METTL13: variants seen among roughly 807,000 people sequenced by gnomAD.
The protein encoded by METTL13 is eEF1A lysine and N-terminal methyltransferase.
Under a neutral mutation model 67.4 loss-of-function variants are expected in METTL13, and 52 were observed. The ratio of observed to expected loss-of-function variants is 0.77; its 90% CI spans 0.62 to 0.97. The LOEUF (loss-of-function observed/expected upper bound fraction) is 0.97, where lower values mean the gene tolerates loss of function less well. Among genes scored for constraint, METTL13 ranks in the 50% least tolerant of loss-of-function variants. METTL13 has a pLI of 0.00. For missense variants in METTL13, 825 were observed against 889.6 expected (o/e 0.93, Z 0.92); for synonymous variants, 354 against 353.6 (o/e 1.00, Z -0.01).
intron 7 of METTL13, among the ~76,000 whole-genome samples, chr1:171,795,876 A>C (rs1291943281): frequency 6.6e-6 from 1 of 152,154 alleles, no homozygotes; most frequent in African/African-American, 2.4e-5. Flanking sequence ...TGATTGATTG[A>C]GACAAAGTCT....
chr1:171,784,530 GAGGGGCTGGCTTAC>G, intron 2 of METTL13, 31 bp downstream of exon 2: 4 of 1,479,698 alleles, frequency 2.7e-6, no homozygotes, highest in Non-Finnish European at 2.7e-6. Context: ...CTCTTCCCTG[GAGGGGCTGGCTTAC>G]AGGGGCTGGG....
intron 4 of METTL13, among the ~76,000 whole-genome samples, chr1:171,788,927 A>G (rs1237628683): frequency 1.3e-5 from 2 of 152,216 alleles, no homozygotes; most frequent in Non-Finnish European, 2.9e-5. Flanking sequence ...CCTAGAATCA[A>G]GTTACCCAGC....
Position 171,794,988 on chromosome 1 carries a change from T to C in METTL13, c.1825+461T>C, listed in dbSNP as rs571596886. ...GTGGATGCCACCATGCCTGGCTAATTTTTTTATTTTTATTTTTTGTAGAGA... is the reference window on the plus strand; with the variant it reads ...GTGGATGCCACCATGCCTGGCTAATCTTTTTATTTTTATTTTTTGTAGAGA... On this transcript the variant is annotated intron_variant, in intron 7 of 7. Transcript: ENST00000361735. Among the ~76,000 whole-genome samples the C allele has an allele frequency of 9.9e-5, 15 of 152,200 alleles. No homozygotes were observed. In the East Asian group the frequency reaches 1.7e-3, roughly 18 times the overall value.
intron 7 of METTL13, among the ~76,000 whole-genome samples, chr1:171,795,963 C>A (rs965791419): frequency 3.3e-5 from 5 of 152,134 alleles, no homozygotes; most frequent in African/African-American, 9.7e-5. Context: ...CTGCCTCAGC[C>A]CCACTAGCAG....
At position 171,797,632 on chromosome 1, in the gene METTL13, A is replaced by G. The variant is rs1372574167; in HGVS notation, c.*876A>G. ...CTGAGATAAAGGATACTTAAGCCCA[A>G]ACTATATCTAAACCCAAATCTCACT... On this transcript the variant is annotated 3_prime_UTR_variant, in exon 8 of 8. Transcript: ENST00000361735. 1.3e-5 allele frequency: 2 copies of G among 152,256 alleles called. No individual in the cohort carries two copies. Among genetic ancestry groups the G allele is most frequent in the Non-Finnish European group, 2.9e-5 (2 of 68,048 alleles). 9.4% of individuals were successfully genotyped at this position (152,256 alleles called of 1,614,324 possible). A position where few individuals can be genotyped will look rare whatever the true frequency, so the allele number is the denominator to read the frequency against.
chr1:171,788,240 G>A (rs1375272408), intron 4 of METTL13, among the ~76,000 whole-genome samples: 1 of 152,206 alleles, frequency 6.6e-6, no homozygotes, highest in Non-Finnish European at 1.5e-5. Context: ...CCTCTGTGAG[G>A]TGAGCCAGAA....
intron 1 of METTL13, among the ~76,000 whole-genome samples, chr1:171,782,386 C>T (rs1403673779): frequency 6.6e-6 from 1 of 151,578 alleles, no homozygotes; most frequent in Non-Finnish European, 1.5e-5. Context: ...GCCTGGGGAA[C>T]ATGAGACCTC....
In METTL13 at chr1:171,781,827, G is replaced by A; in HGVS notation, c.-141G>A. 1 of 1,485,322 alleles carries A rather than the reference G, an allele frequency of 6.7e-7. No homozygotes were observed. The highest frequency in any genetic ancestry group is 8.9e-7 in the Non-Finnish European group (1 of 1,119,016). 92.0% of individuals were successfully genotyped at this position (1,485,322 alleles called of 1,614,324 possible). ...GTCATTCCTGGGGTTTGGAGTGGGG[G>A]AACAAATCAATGTGGCTGTTTTTCC... On this transcript the variant is annotated 5_prime_UTR_variant, in exon 1 of 8. Transcript: ENST00000361735.
intron 4 of METTL13, among the ~76,000 whole-genome samples, chr1:171,788,320 C>T (rs1432859127): frequency 2.0e-5 from 3 of 152,216 alleles, no homozygotes; most frequent in South Asian, 2.1e-4. Context: ...TTTGGATTGG[C>T]GGGTGACTTA....
intron 1 of METTL13, among the ~76,000 whole-genome samples, chr1:171,782,890 G>T (rs1656873975): frequency 2.0e-5 from 3 of 152,204 alleles, no homozygotes; most frequent in Non-Finnish European, 2.9e-5. Context: ...TGTACTGGAG[G>T]TAGGGAAGGA....
chr1:171,788,005 G>A, intron 4 of METTL13, 75 bp downstream of exon 4: 1 of 1,458,970 alleles, frequency 6.9e-7, no homozygotes, highest in South Asian at 1.2e-5. Context: ...GCTTGGCCGA[G>A]ATGTAGGATG....
At chr1:171,788,050 C>T (rs537742691) in intron 4 of METTL13, 120 bp downstream of exon 4, 1 of 926,552 alleles carries the variant, frequency 1.1e-6, no homozygotes, top group Non-Finnish European at 1.7e-6. Context: ...ACCATCTGGA[C>T]TCTTAGGGTG....
At chr1:171,792,420 G>A (rs1262287784) in intron 6 of METTL13, among the ~76,000 whole-genome samples, 185 bp downstream of exon 6, 1 of 152,230 alleles carries the variant, frequency 6.6e-6, no homozygotes, top group African/African-American at 2.4e-5. Flanking sequence ...ACTGTGTTAG[G>A]TGTGAATGTA....
In METTL13 at chr1:171,792,098, G is replaced by A; in HGVS notation, c.1556G>A (p.Cys519Tyr). The change falls in exon 6 of 8, where the codon TGC becomes TAC. Residue 519 changes from cysteine to tyrosine, a missense_variant. Transcript: ENST00000361735. ...GTCCACGATCATTTTCCAAAGTCCTGCATTGATGCTGTGGAGATCGATCCC... is the reference window on the plus strand; with the variant it reads ...GTCCACGATCATTTTCCAAAGTCCTACATTGATGCTGTGGAGATCGATCCC... ...LFVHDHFPKS[C>Y]IDAVEIDPSM... The A allele has an allele frequency of 6.2e-7, 1 of 1,614,034 alleles. No individual in the cohort carries two copies. Among genetic ancestry groups the A allele is most frequent in the South Asian group, 1.1e-5 (1 of 91,074 alleles).
chr1:171,784,385 A>T lies in METTL13; in HGVS notation c.799A>T (p.Ser267Cys). The part of the protein sequence containing the change: ...SQLRRKARLG[S>C]VSLDLCDGDT... Reference sequence around the variant, plus strand: ...GCTGCGCCGCAAGGCCAGGCTGGGGAGTGTGTCTCTGGACTTGTGCGATGG... The same window carrying T: ...GCTGCGCCGCAAGGCCAGGCTGGGGTGTGTGTCTCTGGACTTGTGCGATGG... Residue 267 changes from serine to cysteine, a missense_variant, in exon 2 of 8, where the codon AGT becomes TGT. Coordinates refer to ENST00000361735, the MANE Select transcript of METTL13 (RefSeq NM_015935.5). 2 of 1,568,188 alleles carry T rather than the reference A, an allele frequency of 1.3e-6. No homozygotes were observed. Among genetic ancestry groups the T allele is most frequent in the Non-Finnish European group, 8.6e-7 (1 of 1,157,016 alleles).
chr1:171,784,015 G>C lies in METTL13; in HGVS notation c.429G>C (p.Leu143=). 7 of 1,614,244 alleles carry C rather than the reference G, an allele frequency of 4.3e-6. No individual in the cohort carries two copies. The highest frequency in any genetic ancestry group is 5.9e-6 in the Non-Finnish European group (7 of 1,180,052). Residue 143 remains leucine (L), a synonymous_variant, in exon 2 of 8, where the codon CTG becomes CTC. Coordinates refer to ENST00000361735, the MANE Select transcript of METTL13 (RefSeq NM_015935.5). ...EKTLQQVDRM[L]AEVGRVLQVG... Reference sequence around the variant, plus strand: ...CCTTACAACAGGTGGACAGGATGCTGGCTGAGGTTGGCCGTGTCCTGCAGG... The same window carrying C: ...CCTTACAACAGGTGGACAGGATGCTCGCTGAGGTTGGCCGTGTCCTGCAGG...
At chr1:171,794,270 C>G (rs1657295235) in intron 6 of METTL13, 126 bp from the exon 7 acceptor site, 1 of 1,393,640 alleles carries the variant, frequency 7.2e-7, no homozygotes, top group East Asian at 2.4e-5. Flanking sequence ...CAAACCACAT[C>G]CTCTGTGTCA....
rs1305197678 is a variant in METTL13 at position 171,782,105 on chromosome 1, C to G, written c.138C>G (p.Ile46Met). The change falls in exon 1 of 8, where the codon ATC becomes ATG. Residue 46 changes from isoleucine to methionine, a missense_variant. Ile to Met is a conservative substitution (Grantham distance 10). Coordinates refer to ENST00000361735, the MANE Select transcript of METTL13 (RefSeq NM_015935.5). ...TGTGCGGGGTGCTACATAAATATAT[C>G]AAGCCCAGGGAAAAGGTGAGGAGCG... is the stretch of plus-strand genomic sequence containing the variant. Reference protein sequence around the residue: ...LELCGVLHKYIKPREKVLVIG... With the variant: ...LELCGVLHKYMKPREKVLVIG... 17 of 1,613,894 alleles carry G rather than the reference C, an allele frequency of 1.1e-5. No homozygotes were observed. The highest frequency in any genetic ancestry group is 2.2e-5 in the East Asian group (1 of 44,876).
chr1:171,784,808 A>G (rs530901973), intron 2 of METTL13, among the ~76,000 whole-genome samples: 3 of 152,348 alleles, frequency 2.0e-5, no homozygotes, highest in African/African-American at 2.4e-5. Flanking sequence ...AGGAGGTCAC[A>G]TATGATATAG....
Sources: gnomAD v4.1 joint callset for allele counts (sites outside exome capture counted in the v4.1 genomes callset) on GRCh38, gnomAD v4.1.1 for gene constraint, MANE v1.5 for transcripts, NCBI Gene and HGNC (gene_info 2026-07-23, HGNC 2026-07-21) for gene names.